MAML2: variants seen among roughly 807,000 people sequenced by gnomAD.
The protein encoded by MAML2 is mastermind like transcriptional coactivator 2.
Under a neutral mutation model 96.1 loss-of-function variants are expected in MAML2, and 22 were observed. The observed-to-expected ratio is 0.23, with a 90% CI of 0.16 to 0.33. The LOEUF (loss-of-function observed/expected upper bound fraction) is 0.33. Ranked by LOEUF, MAML2 falls within the 10% of genes least tolerant of loss-of-function variation. The pLI, the probability that MAML2 is intolerant of heterozygous loss-of-function variation, is 1.00. For missense variants in MAML2, 1,367 were observed against 1,392.4 expected (o/e 0.98, Z 0.29); for synonymous variants, 561 against 521.3 (o/e 1.08, Z -1.04).
chr11:96,262,736 T>C (rs904252894), intron 1 of MAML2, among the ~76,000 whole-genome samples: 30 of 152,236 alleles, frequency 2.0e-4, no homozygotes, highest in African/African-American at 7.0e-4. Context: ...TCCAAAGTGC[T>C]GGGATAATTT....
At chr11:96,067,600 T>TA (rs397691936) in intron 2 of MAML2, among the ~76,000 whole-genome samples, 21 of 151,920 alleles carry the variant, frequency 1.4e-4, no homozygotes, top group Non-Finnish European at 2.6e-4. Flanking sequence ...GTTTTTTTTT[T>TA]AAATCATCTT....
intron 2 of MAML2, among the ~76,000 whole-genome samples, chr11:96,004,115 C>A (rs1174515188): frequency 1.3e-5 from 2 of 152,088 alleles, no homozygotes; most frequent in Non-Finnish European, 2.9e-5. Flanking sequence ...TTCACAAAAG[C>A]AAAAGGATAT....
At chr11:96,018,783 T>G (rs1291023565) in intron 2 of MAML2, among the ~76,000 whole-genome samples, 1 of 152,138 alleles carries the variant, frequency 6.6e-6, no homozygotes, top group Non-Finnish European at 1.5e-5. Flanking sequence ...GAGATGGGGT[T>G]TCACCATGTT....
intron 1 of MAML2, among the ~76,000 whole-genome samples, chr11:96,278,326 C>T (rs1357272553): frequency 6.6e-6 from 1 of 152,104 alleles, no homozygotes; most frequent in Non-Finnish European, 1.5e-5. Flanking sequence ...TTCATGCATG[C>T]CTCGTGCTCT....
intron 1 of MAML2, among the ~76,000 whole-genome samples, chr11:96,117,636 A>G (rs903394790): frequency 6.6e-6 from 1 of 152,194 alleles, no homozygotes; most frequent in Non-Finnish European, 1.5e-5. Flanking sequence ...TGCAGCAAGA[A>G]TGAAATATGC....
chr11:96,108,034 A>T (rs939510139), intron 1 of MAML2, among the ~76,000 whole-genome samples: 1 of 152,176 alleles, frequency 6.6e-6, no homozygotes, highest in Admixed American at 6.5e-5. Flanking sequence ...GGTGATAGGA[A>T]CCCCAATTTA....
chr11:96,135,946 T>C (rs906613325), intron 1 of MAML2, among the ~76,000 whole-genome samples: 3 of 152,136 alleles, frequency 2.0e-5, no homozygotes, highest in African/African-American at 2.4e-5. Context: ...AGATACTTAA[T>C]AGATTTTTGT....
intron 2 of MAML2, among the ~76,000 whole-genome samples, chr11:96,050,040 C>A (rs1229334544): frequency 2.0e-5 from 3 of 152,160 alleles, no homozygotes; most frequent in Admixed American, 6.6e-5. Flanking sequence ...TTACCATGGT[C>A]CTTTCAACTT....
At chr11:96,001,792 G>T (rs1173817914) in intron 2 of MAML2, among the ~76,000 whole-genome samples, 1 of 152,122 alleles carries the variant, frequency 6.6e-6, no homozygotes, top group Admixed American at 6.5e-5. Context: ...TGGTATAAAA[G>T]GCCTTCCATG....
intron 1 of MAML2, among the ~76,000 whole-genome samples, chr11:96,295,501 A>G (rs1863281153): frequency 6.6e-6 from 1 of 152,230 alleles, no homozygotes; most frequent in Non-Finnish European, 1.5e-5. Flanking sequence ...AATGTAAGCT[A>G]TGAGGACGAA....
chr11:96,137,282 G>T (rs1464831735), intron 1 of MAML2, among the ~76,000 whole-genome samples: 3 of 152,196 alleles, frequency 2.0e-5, no homozygotes, highest in Admixed American at 6.5e-5. Context: ...TGGTTCTGGG[G>T]AGAAATGAGG....
chr11:96,035,807 G>T (rs940688327), intron 2 of MAML2, among the ~76,000 whole-genome samples: 2 of 152,184 alleles, frequency 1.3e-5, no homozygotes, highest in Non-Finnish European at 2.9e-5. Context: ...CACACACAGA[G>T]AGATGAAAGG....
intron 2 of MAML2, among the ~76,000 whole-genome samples, chr11:96,067,074 T>C (rs1859256556): frequency 6.6e-6 from 1 of 152,172 alleles, no homozygotes; most frequent in Non-Finnish European, 1.5e-5. Flanking sequence ...CCTAGTGAGA[T>C]GGGAAACCAG....
chr11:96,196,096 A>G (rs980343070), intron 1 of MAML2, among the ~76,000 whole-genome samples: 1 of 152,254 alleles, frequency 6.6e-6, no homozygotes, highest in African/African-American at 2.4e-5. Context: ...CATTTAAAAA[A>G]GTAAACTAAC....
intron 2 of MAML2, among the ~76,000 whole-genome samples, chr11:96,030,175 G>C (rs781338653): frequency 8.6e-5 from 13 of 151,976 alleles, no homozygotes; most frequent in Non-Finnish European, 1.3e-4. Flanking sequence ...GGCGGAGCTT[G>C]CAGTGAGCCG....
chr11:96,222,923 ATTAG>A (rs1862160548), intron 1 of MAML2, among the ~76,000 whole-genome samples: 1 of 152,180 alleles, frequency 6.6e-6, no homozygotes, highest in Non-Finnish European at 1.5e-5. Context: ...TGTTATATTC[ATTAG>A]TTATACTTTG....
chr11:96,220,050 A>G (rs1565252962), intron 1 of MAML2, among the ~76,000 whole-genome samples: 1 of 152,226 alleles, frequency 6.6e-6, no homozygotes, highest in African/African-American at 2.4e-5. Flanking sequence ...GCATGTTGTT[A>G]TCATTGCCAT....
In MAML2 at chr11:96,247,631, G is replaced by A. The variant is rs555531131; in HGVS notation, c.513+93752C>T. Among the ~76,000 whole-genome samples, 106 of 152,212 alleles carry A rather than the reference G, an allele frequency of 7.0e-4. 1 individual carries two copies. The South Asian group carries it at 0.02, about 29-fold the overall frequency. On this transcript the variant is annotated intron_variant, in intron 1 of 4. Coordinates refer to ENST00000524717, the MANE Select transcript of MAML2 (RefSeq NM_032427.4). ...GGTGAAGAAAAACAAACTCAGCATC[G>A]TTAGTCTCACTGGAAATTCTGGACC...
intron 1 of MAML2, among the ~76,000 whole-genome samples, chr11:96,244,147 G>C (rs566598): frequency 0.9 from 137,583 of 152,298 alleles, 62,234 homozygotes; most frequent in Middle Eastern, 0.96. Flanking sequence ...GGCTCAAACC[G>C]TGTTCCAGAT....
Sources: gnomAD v4.1 joint callset for allele counts (sites outside exome capture counted in the v4.1 genomes callset) on GRCh38, gnomAD v4.1.1 for gene constraint, MANE v1.5 for transcripts, NCBI Gene and HGNC (gene_info 2026-07-23, HGNC 2026-07-21) for gene names.